Variants in AMPH observed in about 807,000 individuals in gnomAD.
AMPH encodes the protein amphiphysin, also known as amphiphysin (Stiff-Mann syndrome with breast cancer 128kD autoantigen).
A neutral mutation model predicts 99.1 loss-of-function variants in AMPH; 49 were observed. The ratio of observed to expected loss-of-function variants is 0.49; its 90% confidence interval spans 0.39 to 0.63. The LOEUF is 0.63. AMPH is among the 20% of genes least tolerant of loss of function. AMPH has a pLI of 0.00. For synonymous variants in AMPH, 314 were observed against 317.3 expected (o/e 0.99, Z 0.11); for missense variants, 759 against 863.4 (o/e 0.88, Z 1.52).
In AMPH at chr7:38,434,523, C is replaced by T. The variant is rs150092171; in HGVS notation, c.1134+1749G>A. Among the ~76,000 whole-genome samples the T allele has an allele frequency of 3.8e-3, 573 of 152,032 alleles. 6 individuals carry two copies. Among genetic ancestry groups the T allele is most frequent in the African/African-American group, 0.013 (538 of 41,468 alleles). Reference sequence around the variant, plus strand: ...GGGAGGCCGAGGTGGGCAGATCACGCGGTCAGGAGATCGAGACCATCCTGG... The same window carrying T: ...GGGAGGCCGAGGTGGGCAGATCACGTGGTCAGGAGATCGAGACCATCCTGG... On this transcript the variant is annotated intron_variant, in intron 12 of 20. Transcript: ENST00000356264.
intron 12 of AMPH, among the ~76,000 whole-genome samples, chr7:38,433,861 T>C (rs6968113): frequency 0.017 from 2,643 of 151,654 alleles, 88 homozygotes; most frequent in African/African-American, 0.061. Context: ...GTCCTCAGGA[T>C]CATGAAAGGA....
At chr7:38,525,277 TAGAGAGAGAGAG>T (rs66462162) in intron 2 of AMPH, among the ~76,000 whole-genome samples, 1,159 of 86,606 alleles carry the variant, frequency 0.013, 14 homozygotes, top group African/African-American at 0.028. Flanking sequence ...TATATATATA[TAGAGAGAGAGAG>T]AGAGAGAGAG....
At chr7:38,394,869 T>TG (rs1307052526) in intron 17 of AMPH, among the ~76,000 whole-genome samples, 1 of 152,186 alleles carries the variant, frequency 6.6e-6, no homozygotes, top group Non-Finnish European at 1.5e-5. Flanking sequence ...CCACCCTCTT[T>TG]TTAAAAAAAT....
chr7:38,493,871 G>A (rs1278897010), intron 4 of AMPH, among the ~76,000 whole-genome samples: 1 of 152,168 alleles, frequency 6.6e-6, no homozygotes, highest in East Asian at 1.9e-4. Flanking sequence ...GGCTTGTAGT[G>A]AGGACAGAAA....
intron 11 of AMPH, among the ~76,000 whole-genome samples, chr7:38,444,756 A>G (rs1234951424): frequency 6.7e-6 from 1 of 150,058 alleles, no homozygotes; most frequent in East Asian, 2.3e-4. Context: ...ACAGCAGCCC[A>G]GGAAATAATA....
chr7:38,406,725 C>CTCTCTCTCTCT (rs1293617761), intron 17 of AMPH, among the ~76,000 whole-genome samples: 3 of 58,922 alleles, frequency 5.1e-5, no homozygotes, highest in South Asian at 6.4e-4. Flanking sequence ...TCTCTCTCTC[C>CTCTCTCTCTCT]CTTTCCCTCT....
chr7:38,561,688 T>C (rs764128241), intron 1 of AMPH, among the ~76,000 whole-genome samples: 6 of 152,174 alleles, frequency 3.9e-5, no homozygotes, highest in African/African-American at 9.7e-5. Context: ...GAAACCCTAA[T>C]CTTCAATGCC....
chr7:38,547,352 C>A (rs1223273160), intron 1 of AMPH, among the ~76,000 whole-genome samples: 1 of 152,086 alleles, frequency 6.6e-6, no homozygotes, highest in African/African-American at 2.4e-5. Context: ...CAACACACTC[C>A]TAAAAAAGCA....
At chr7:38,602,502 T>C (rs1323539233) in intron 1 of AMPH, among the ~76,000 whole-genome samples, 1 of 152,188 alleles carries the variant, frequency 6.6e-6, no homozygotes, top group Non-Finnish European at 1.5e-5. Flanking sequence ...CCTTGGCGCA[T>C]GGCCCTGCAT....
chr7:38,451,292 C>CAA (rs1787007446), intron 11 of AMPH, among the ~76,000 whole-genome samples: 1 of 135,542 alleles, frequency 7.4e-6, no homozygotes, highest in African/African-American at 2.9e-5. Context: ...TATACACATG[C>CAA]ACACATATAT....
chr7:38,548,027 ATTTT>A (rs34488266), intron 1 of AMPH, among the ~76,000 whole-genome samples: 36 of 125,994 alleles, frequency 2.9e-4, no homozygotes, highest in Non-Finnish European at 3.2e-4. Flanking sequence ...TTGTGGGCAA[ATTTT>A]TTTTTTTTTT....
chr7:38,404,588 A>C (rs534659617), intron 17 of AMPH, among the ~76,000 whole-genome samples: 41 of 152,284 alleles, frequency 2.7e-4, no homozygotes, highest in Middle Eastern at 3.4e-3. Flanking sequence ...AATCATATAC[A>C]ACAAACTCCA....
chr7:38,536,323 T>C (rs891757881), intron 1 of AMPH, among the ~76,000 whole-genome samples: 5 of 152,106 alleles, frequency 3.3e-5, no homozygotes, highest in African/African-American at 9.7e-5. Context: ...ACAATACACA[T>C]CCCTTTTTTA....
chr7:38,441,853 T>TATATC (rs60306180), intron 11 of AMPH, among the ~76,000 whole-genome samples: 6 of 91,032 alleles, frequency 6.6e-5, no homozygotes, highest in Admixed American at 1.3e-4. Context: ...ATATATATCA[T>TATATC]ATATATCATA....
At chr7:38,463,309 T>G in intron 9 of AMPH, 196 bp from the exon 10 acceptor site, 1 of 727,704 alleles carries the variant, frequency 1.4e-6, no homozygotes. Context: ...TACAGAGACC[T>G]CATTCATGTA....
chr7:38,463,054 A>T lies in AMPH; in HGVS notation c.809T>A (p.Leu270His). The T allele has an allele frequency of 6.2e-7, 1 of 1,611,704 alleles. No individual in the cohort carries two copies. The highest frequency in any genetic ancestry group is 8.5e-7 in the Non-Finnish European group (1 of 1,178,856). The part of the protein sequence containing the change: ...TPSPPEEPSP[L>H]PSPTASPNHT... ...ATTTGGACTTGCTGTCGGGCTCGGG[A>T]GGGGTGAAGGCTCCTCAGGCGGTGA... Residue 270 changes from leucine to histidine, a missense_variant, in exon 10 of 21, where the codon CTC becomes CAC. Leu to His is a moderately conservative substitution (Grantham distance 99). This residue lies in a region of AMPH where 554 missense variants were observed against 575.6 expected (regional missense o/e 0.96). Transcript: ENST00000356264.
chr7:38,624,364 A>T (rs1794170878), intron 1 of AMPH, among the ~76,000 whole-genome samples: 1 of 151,062 alleles, frequency 6.6e-6, no homozygotes, highest in Non-Finnish European at 1.5e-5. Flanking sequence ...AAATAGTCTA[A>T]CTCCCTTATT....
intron 15 of AMPH, among the ~76,000 whole-genome samples, chr7:38,423,004 T>C (rs1255029589): frequency 6.6e-6 from 1 of 152,198 alleles, no homozygotes; most frequent in Non-Finnish European, 1.5e-5. Context: ...GTTTTAATAA[T>C]AGTTATTCTA....
intron 3 of AMPH, among the ~76,000 whole-genome samples, chr7:38,502,070 A>G (rs1789159419): frequency 6.6e-6 from 1 of 152,128 alleles, no homozygotes; most frequent in Non-Finnish European, 1.5e-5. Context: ...CCCATTTTTA[A>G]TTTAACCAAC....
Sources: allele counts gnomAD v4.1 joint callset (sites outside exome capture counted in the v4.1 genomes callset), GRCh38; gene constraint gnomAD v4.1.1; regional missense constraint gnomAD v4.1.1; transcripts MANE v1.5; gene names NCBI Gene and HGNC (gene_info 2026-07-23, HGNC 2026-07-21).